The following AHCYL2 variants were observed in gnomAD, a reference collection of about 807,000 sequenced individuals.
The protein encoded by AHCYL2 is adenosylhomocysteinase like 2, also known as S-adenosylhomocysteine hydrolase-like protein 2.
A neutral mutation model predicts 81.4 loss-of-function variants in AHCYL2; 28 were observed. The observed-to-expected ratio is 0.34, with a 90% CI of 0.25 to 0.47. AHCYL2 has a LOEUF of 0.47. Ranked by LOEUF, AHCYL2 falls within the 20% of genes least tolerant of loss-of-function variation. The probability of loss-of-function intolerance (pLI) is 1.00; values close to 1 mark genes in which losing one functional copy is unlikely to be tolerated. For missense variants in AHCYL2, 551 were observed against 785.1 expected (o/e 0.70, Z 3.56); for synonymous variants, 272 against 290.2 (o/e 0.94, Z 0.64).
chr7:129,300,737 G>A (rs750988001), intron 1 of AHCYL2, among the ~76,000 whole-genome samples: 9 of 152,140 alleles, frequency 5.9e-5, no homozygotes, highest in African/African-American at 1.2e-4. Flanking sequence ...TCTTCATAGT[G>A]TATGAGGGTT....
chr7:129,291,969 C>T (rs755913354), intron 1 of AHCYL2, among the ~76,000 whole-genome samples: 1 of 151,784 alleles, frequency 6.6e-6, no homozygotes, highest in Non-Finnish European at 1.5e-5. Flanking sequence ...TTTATTCCTC[C>T]AAAAAATGAC....
intron 2 of AHCYL2, among the ~76,000 whole-genome samples, chr7:129,383,539 C>T (rs1302168847): frequency 6.6e-6 from 1 of 152,148 alleles, no homozygotes; most frequent in Non-Finnish European, 1.5e-5. Context: ...CTATTCTCAA[C>T]ACTACAGCCA....
intron 10 of AHCYL2, among the ~76,000 whole-genome samples, chr7:129,407,597 A>G (rs1256802513): frequency 1.3e-5 from 2 of 152,184 alleles, no homozygotes; most frequent in Non-Finnish European, 2.9e-5. Context: ...ACATATTTTA[A>G]TACAAATTGA....
intron 1 of AHCYL2, among the ~76,000 whole-genome samples, chr7:129,326,284 T>C (rs956007999): frequency 5.3e-5 from 8 of 152,124 alleles, no homozygotes; most frequent in African/African-American, 1.9e-4. Context: ...CCCAGCACTT[T>C]GAGAGGCTGA....
intron 1 of AHCYL2, among the ~76,000 whole-genome samples, chr7:129,265,268 A>G (rs1420140205): frequency 6.6e-6 from 1 of 152,142 alleles, no homozygotes; most frequent in Non-Finnish European, 1.5e-5. Context: ...ATGAAGCAAG[A>G]AGGAGGAAGG....
intron 13 of AHCYL2, among the ~76,000 whole-genome samples, chr7:129,424,180 G>T (rs969906639): frequency 1.3e-5 from 2 of 149,414 alleles, no homozygotes; most frequent in Non-Finnish European, 3.0e-5. Context: ...CAAACTGAAG[G>T]AGAAGCACAA....
chr7:129,395,603 G>T (rs536087557), intron 4 of AHCYL2, among the ~76,000 whole-genome samples: 126 of 152,248 alleles, frequency 8.3e-4, no homozygotes, highest in Non-Finnish European at 1.4e-3. Context: ...AGACACAGTG[G>T]ATCTTTGCCT....
rs555235755 is a variant in AHCYL2, at chr7:129,350,999, C to T, written c.364-28639C>T. On this transcript the variant is annotated intron_variant, in intron 1 of 16. Transcript: ENST00000325006. ...GATTACAGGCGTGAGCCACCGCGCC[C>T]GGCCCCGGCCTAATTTCTTTTTTAA... 2.0e-4 allele frequency among the ~76,000 whole-genome samples: 30 copies of T among 152,210 alleles called. No individual in the cohort carries two copies. The South Asian group carries it at 5.4e-3, about 27-fold the overall frequency.
intron 1 of AHCYL2, among the ~76,000 whole-genome samples, chr7:129,350,408 A>G (rs898074640): frequency 6.9e-6 from 1 of 144,446 alleles, no homozygotes; most frequent in Non-Finnish European, 1.5e-5. Context: ...TTGGAGATGG[A>G]GTCTCACTTT....
In AHCYL2 at chr7:129,427,942, T is replaced by C. The variant is rs750903186; in HGVS notation, c.*897T>C. The C allele has an allele frequency of 6.6e-6, 1 of 152,614 alleles. No individual in the cohort carries two copies. The highest frequency in any genetic ancestry group is 6.5e-5 in the Admixed American group (1 of 15,282). The allele number at this position is 152,614 out of a possible 1,614,324, so 9.5% of individuals were successfully genotyped here. Reference sequence around the variant, plus strand: ...AACACTGCTTCCTGAAACTTCCTGCTATTGCCTAAAGCTACGTCTGAAACT... The same window carrying C: ...AACACTGCTTCCTGAAACTTCCTGCCATTGCCTAAAGCTACGTCTGAAACT... On this transcript the variant is annotated 3_prime_UTR_variant, in exon 17 of 17. Coordinates refer to ENST00000325006, the MANE Select transcript of AHCYL2 (RefSeq NM_015328.4). This position sits in a 1 kb window ranked among gnomAD's most constrained non-coding sequence, Gnocchi z 5.5.
intron 1 of AHCYL2, among the ~76,000 whole-genome samples, chr7:129,363,322 T>TTATACC (rs1477771142): frequency 2.0e-5 from 3 of 152,204 alleles, no homozygotes; most frequent in Non-Finnish European, 4.4e-5. Flanking sequence ...TAACTAGTAC[T>TTATACC]TATACCTATA....
chr7:129,404,611 G>A (rs868428576), intron 7 of AHCYL2, among the ~76,000 whole-genome samples: 1 of 152,186 alleles, frequency 6.6e-6, no homozygotes, highest in African/African-American at 2.4e-5. Flanking sequence ...GGAGGCAGAG[G>A]TTGCAGTAAG....
intron 1 of AHCYL2, among the ~76,000 whole-genome samples, chr7:129,370,625 G>A (rs1445437301): frequency 6.6e-6 from 1 of 152,236 alleles, no homozygotes; most frequent in East Asian, 1.9e-4. Flanking sequence ...ATGAACCCGG[G>A]AGGCAGAGCT....
At chr7:129,409,622 T>A (rs1796468573) in intron 11 of AHCYL2, 76 bp downstream of exon 11, 1 of 1,318,936 alleles carries the variant, frequency 7.6e-7, no homozygotes, top group Admixed American at 2.0e-5. Flanking sequence ...ATTGGAAATA[T>A]TCTGAAAAAC....
intron 1 of AHCYL2, among the ~76,000 whole-genome samples, chr7:129,350,720 T>C (rs1376860912): frequency 6.7e-6 from 1 of 150,110 alleles, no homozygotes; most frequent in Non-Finnish European, 1.5e-5. Context: ...CTTTCTTTTT[T>C]TTTTTTTTTT....
intron 1 of AHCYL2, among the ~76,000 whole-genome samples, chr7:129,255,449 C>A (rs1288670892): frequency 1.3e-5 from 2 of 152,084 alleles, no homozygotes; most frequent in African/African-American, 4.8e-5. Context: ...ATTTGACTAG[C>A]CACATTTCAA....
At chr7:129,303,978 T>C (rs1203601869) in intron 1 of AHCYL2, among the ~76,000 whole-genome samples, 1 of 152,042 alleles carries the variant, frequency 6.6e-6, no homozygotes, top group Non-Finnish European at 1.5e-5. Context: ...TCCCAGCTAC[T>C]CAGGAGGCTG....
chr7:129,425,636 A>T (rs822038), intron 15 of AHCYL2, among the ~76,000 whole-genome samples: 1 of 152,048 alleles, frequency 6.6e-6, no homozygotes, highest in Admixed American at 6.5e-5. Flanking sequence ...GGTGTTTTGT[A>T]TAAGAGAAAC....
intron 1 of AHCYL2, among the ~76,000 whole-genome samples, chr7:129,280,316 C>A (rs1796387879): frequency 6.6e-6 from 1 of 151,650 alleles, no homozygotes; most frequent in African/African-American, 2.4e-5. Flanking sequence ...ATTGCAGGCG[C>A]CCACCACCAT....
Sources: gnomAD v4.1 joint callset for allele counts (sites outside exome capture counted in the v4.1 genomes callset) on GRCh38, gnomAD v4.1.1 for gene constraint, Gnocchi (gnomAD v3.1) non-coding constraint, MANE v1.5 for transcripts, NCBI Gene and HGNC (gene_info 2026-07-23, HGNC 2026-07-21) for gene names.